TTC39B: variants seen among roughly 807,000 people sequenced by gnomAD.
The protein encoded by TTC39B is tetratricopeptide repeat domain 39B, also known as tetratricopeptide repeat protein 39B.
In TTC39B, 92 loss-of-function variants were observed where a neutral mutation model predicts 96.6. The observed-to-expected ratio is 0.95, with a 90% CI of 0.80 to 1.13. TTC39B has a LOEUF of 1.13. Ranked by LOEUF, TTC39B falls within the 50% of genes most tolerant of loss-of-function variation. The probability of loss-of-function intolerance (pLI) is 0.00; values close to 1 mark genes in which losing one functional copy is unlikely to be tolerated. For missense variants in TTC39B, 955 were observed against 809.3 expected, an observed-to-expected ratio of 1.18 and a Z score of -2.18; for synonymous variants, 367 against 299.4, an observed-to-expected ratio of 1.23 and a Z score of -2.33.
In TTC39B at chr9:15,167,003, TATATATATATA is replaced by T. The variant is rs1817534877; in HGVS notation, c.*5005_*5015del. ...TATTTTATATATATATATATATATA[TATATATATATA>T]TATATATATATATATTTTTTTTTTT... On this transcript the variant is annotated 3_prime_UTR_variant, in exon 20 of 20. Coordinates refer to ENST00000512701, the Ensembl canonical transcript of TTC39B. The T allele has an allele frequency of 8.3e-4, 7 of 8,468 alleles. 1 individual carries two copies. The highest frequency in any genetic ancestry group is 1.5e-3 in the Admixed American group (1 of 676). The allele number at this position is 8,468 out of a possible 1,614,324, so 0.5% of individuals were successfully genotyped here.
At chr9:15,187,832 G>C in intron 14 of TTC39B, 139 bp downstream of exon 14, 1 of 870,706 alleles carries the variant, frequency 1.1e-6, no homozygotes, top group Non-Finnish European at 1.7e-6. Context: ...GGGTACTTAA[G>C]GCACATTTCC....
chr9:15,201,268 A>G (rs1339702894), intron 7 of TTC39B, among the ~76,000 whole-genome samples: 3 of 152,154 alleles, frequency 2.0e-5, no homozygotes, highest in Non-Finnish European at 4.4e-5. Flanking sequence ...CTCAAAAAAA[A>G]AAAAACAAAC....
rs1267889406 is a variant in TTC39B, at chr9:15,300,870, T to A, written c.240+6214A>T. The stretch of plus-strand genomic sequence containing the variant: ...TCCCACTACTTCACTCCAGCCTGGG[T>A]GAAAGAGTAAAACTCCGTCTCAAAA... On this transcript the variant is annotated intron_variant, in intron 1 of 19. Coordinates refer to ENST00000512701, the Ensembl canonical transcript of TTC39B. 4.6e-5 allele frequency among the ~76,000 whole-genome samples: 4 copies of A among 87,524 alleles called. No homozygotes were observed. The South Asian group carries it at 1.0e-3, about 23-fold the overall frequency. The allele number at this position is 87,524 out of a possible 152,430, so 57.4% of individuals were successfully genotyped here. A position where few individuals can be genotyped will look rare whatever the true frequency, so the allele number is the denominator to read the frequency against.
At chr9:15,275,785 G>A (rs1410385618) in intron 1 of TTC39B, among the ~76,000 whole-genome samples, 4 of 152,116 alleles carry the variant, frequency 2.6e-5, no homozygotes. Flanking sequence ...AATGCCCACA[G>A]AGCTCACTAT....
At chr9:15,291,429 G>C (rs1824186316) in intron 1 of TTC39B, among the ~76,000 whole-genome samples, 1 of 152,220 alleles carries the variant, frequency 6.6e-6, no homozygotes, top group Non-Finnish European at 1.5e-5. Context: ...CATCTGCGAT[G>C]ATGGTGAGGC....
At chr9:15,255,574 G>A (rs1318246436) in intron 2 of TTC39B, among the ~76,000 whole-genome samples, 1 of 151,836 alleles carries the variant, frequency 6.6e-6, no homozygotes, top group Non-Finnish European at 1.5e-5. Context: ...AAAAGGGAAT[G>A]GATGAAGGCG....
exon 17 of TTC39B, chr9:15,182,309 T>G (rs1818289623): frequency 1.9e-6 from 3 of 1,606,896 alleles, no homozygotes; most frequent in Non-Finnish European, 2.6e-6. Flanking sequence ...ATACTTACTT[T>G]GACTTTGTAA....
At chr9:15,216,121 C>T (rs2131368609) in intron 3 of TTC39B, among the ~76,000 whole-genome samples, 1 of 152,286 alleles carries the variant, frequency 6.6e-6, no homozygotes, top group Non-Finnish European at 1.5e-5. Context: ...CTGACCCCAT[C>T]CCATCCTGTC....
In TTC39B at chr9:15,210,070, C is replaced by T. The variant is rs1042753315; in HGVS notation, c.691+18G>A. ...TATTAAAATCAAGGAAAAAAGTGATCTTTTAAATGACTTTTACCTTCACTC... is the reference window on the plus strand; with the variant it reads ...TATTAAAATCAAGGAAAAAAGTGATTTTTTAAATGACTTTTACCTTCACTC... On this transcript the variant is annotated intron_variant, in intron 6 of 19. Transcript: ENST00000512701. 3 of 1,563,158 alleles carry T rather than the reference C, an allele frequency of 1.9e-6. No individual in the cohort carries two copies. The highest frequency in any genetic ancestry group is 2.7e-5 in the African/African-American group (2 of 72,750).
intron 8 of TTC39B, 98 bp downstream of exon 8, chr9:15,199,763 A>AAAAAC (rs1819418412): frequency 5.0e-6 from 2 of 402,430 alleles, no homozygotes; most frequent in Admixed American, 4.9e-5. Context: ...AAAAAAAAAA[A>AAAAAC]AAAAATCCTA....
At chr9:15,183,496 T>G (rs1564317627) in intron 16 of TTC39B, 5 of 345,142 alleles carry the variant, frequency 1.4e-5, no homozygotes, top group South Asian at 9.1e-5. Context: ...AGTACTAACA[T>G]TTCAAGCCAA....
At chr9:15,234,271 C>A (rs1821639635) in intron 2 of TTC39B, among the ~76,000 whole-genome samples, 1 of 149,880 alleles carries the variant, frequency 6.7e-6, no homozygotes, top group Admixed American at 6.6e-5. Context: ...TGGGGGTCAG[C>A]CCCCGCCAGG....
At chr9:15,199,970 T>G in intron 7 of TTC39B, 45 bp from the exon 8 acceptor site, 1 of 1,159,236 alleles carries the variant, frequency 8.6e-7, no homozygotes, top group Non-Finnish European at 1.3e-6. Context: ...AGCAAAAAAT[T>G]TTAAATTGTC....
chr9:15,289,737 C>A (rs374926764), intron 1 of TTC39B, among the ~76,000 whole-genome samples: 2 of 152,118 alleles, frequency 1.3e-5, no homozygotes, highest in African/African-American at 4.8e-5. Context: ...TTTGTTCACT[C>A]GTAATGGCTT....
At chr9:15,260,277 GTT>G (rs142111810) in intron 2 of TTC39B, among the ~76,000 whole-genome samples, 5,191 of 139,750 alleles carry the variant, frequency 0.037, 298 homozygotes, top group African/African-American at 0.12. Context: ...TCCTCATTGT[GTT>G]TTTTTTTTTT....
intron 2 of TTC39B, among the ~76,000 whole-genome samples, chr9:15,236,015 T>G (rs1368474594): frequency 6.6e-6 from 1 of 151,490 alleles, no homozygotes; most frequent in Non-Finnish European, 1.5e-5. Context: ...AGATACGGAG[T>G]AGCAAACTAG....
At chr9:15,303,807 T>C (rs1255428427) in intron 1 of TTC39B, among the ~76,000 whole-genome samples, 2 of 151,876 alleles carry the variant, frequency 1.3e-5, no homozygotes, top group African/African-American at 4.8e-5. Context: ...AATTTTTTTG[T>C]TATTTTTAGT....
intron 2 of TTC39B, among the ~76,000 whole-genome samples, chr9:15,235,810 G>T (rs537961768): frequency 1.3e-5 from 2 of 152,122 alleles, no homozygotes; most frequent in Non-Finnish European, 2.9e-5. Context: ...AAATGCTGAA[G>T]GGAATTCTAA....
At chr9:15,167,022 ATATATATTTTTTTTT>A (rs1817540730) in exon 20 of TTC39B, 1 of 9,292 alleles carries the variant, frequency 1.1e-4, no homozygotes, top group Non-Finnish European at 1.7e-4. Flanking sequence ...ATATATATAT[ATATATATTTTTTTTT>A]TTTTTTTTTT....
Sources: allele counts gnomAD v4.1 joint callset (sites outside exome capture counted in the v4.1 genomes callset), GRCh38; gene constraint gnomAD v4.1.1; transcripts MANE v1.5; gene names NCBI Gene and HGNC (gene_info 2026-07-23, HGNC 2026-07-21).